The following NETO1 variants were observed in gnomAD, a reference collection of about 807,000 sequenced individuals.
The protein encoded by NETO1 is neuropilin and tolloid-like protein 1.
Under a neutral mutation model 61.3 loss-of-function variants are expected in NETO1, and 26 were observed. The ratio of observed to expected loss-of-function variants is 0.42; its 90% CI spans 0.31 to 0.59. The LOEUF (loss-of-function observed/expected upper bound fraction) is 0.59, where lower values mean the gene tolerates loss of function less well. Ranked by LOEUF, NETO1 falls within the 20% of genes least tolerant of loss-of-function variation. The pLI, the probability that NETO1 is intolerant of heterozygous loss-of-function variation, is 0.12. For synonymous variants in NETO1, 225 were observed against 225.8 expected, an observed-to-expected ratio of 1.00 and a Z score of 0.03; for missense variants, 531 against 662.8, an observed-to-expected ratio of 0.80 and a Z score of 2.18.
At chr18:72,857,816 G>T (rs1412553341) in intron 4 of NETO1, among the ~76,000 whole-genome samples, 1 of 152,092 alleles carries the variant, frequency 6.6e-6, no homozygotes. Context: ...AATGCTTAAA[G>T]CTAATATATA....
chr18:72,837,706 T>G, intron 4 of NETO1, among the ~76,000 whole-genome samples: 1 of 152,196 alleles, frequency 6.6e-6, no homozygotes, highest in East Asian at 1.9e-4. Flanking sequence ...TTATTTCCAA[T>G]TATATGCTCT....
rs546523214 is a variant in NETO1 at position 72,855,993 on chromosome 18, T to C, written c.469+2833A>G. 9.2e-5 allele frequency among the ~76,000 whole-genome samples: 14 copies of C among 152,364 alleles called. No individual in the cohort carries two copies. The South Asian group carries it at 1.0e-3, about 11-fold the overall frequency. On this transcript the variant is annotated intron_variant, in intron 4 of 10. Transcript: ENST00000327305. ...TTGCAGGAAGAAATGGACTTTGTAA[T>C]ACTCAGAATTCTTAATGAAAATGTA...
chr18:72,812,756 T>C (rs915292525), intron 4 of NETO1, among the ~76,000 whole-genome samples: 2 of 152,188 alleles, frequency 1.3e-5, no homozygotes, highest in Non-Finnish European at 2.9e-5. Flanking sequence ...GTTTCTCCTA[T>C]AAATAACTCA....
rs572688055 is a variant in NETO1 at position 72,829,575 on chromosome 18, G to A, written c.469+29251C>T. Among the ~76,000 whole-genome samples the A allele has an allele frequency of 3.3e-5, 5 of 152,166 alleles. No homozygotes were observed. In the East Asian group the frequency reaches 7.7e-4, roughly 24 times the overall value. ...TATATTTAAATGTATATCACATTAG[G>A]TTCTACAGTAGCTGTTAAAATAGTT... On this transcript the variant is annotated intron_variant, in intron 4 of 10. Coordinates refer to ENST00000327305, the MANE Select transcript of NETO1 (RefSeq NM_138966.5).
intron 4 of NETO1, among the ~76,000 whole-genome samples, chr18:72,797,840 CAGGA>C (rs2072370119): frequency 6.6e-6 from 1 of 152,260 alleles, no homozygotes; most frequent in East Asian, 1.9e-4. Context: ...TCCTCTGTAC[CAGGA>C]ACTTGTCCTT....
At chr18:72,793,234 T>C (rs2072192759) in intron 6 of NETO1, among the ~76,000 whole-genome samples, 1 of 152,080 alleles carries the variant, frequency 6.6e-6, no homozygotes, top group Non-Finnish European at 1.5e-5. Flanking sequence ...ATCTAGTAAG[T>C]CAATATTTTT....
intron 8 of NETO1, 68 bp downstream of exon 8, chr18:72,755,966 T>A: frequency 1.3e-6 from 1 of 749,992 alleles, no homozygotes; most frequent in Non-Finnish European, 2.4e-6. Flanking sequence ...GTCTGATTGA[T>A]ACATATAAAC....
At chr18:72,807,911 C>A (rs991939246) in intron 4 of NETO1, among the ~76,000 whole-genome samples, 4 of 152,148 alleles carry the variant, frequency 2.6e-5, no homozygotes, top group Non-Finnish European at 5.9e-5. Flanking sequence ...AATATCCCTG[C>A]CCCTTAATTC....
chr18:72,823,209 A>T (rs948366208), intron 4 of NETO1, among the ~76,000 whole-genome samples: 1 of 152,156 alleles, frequency 6.6e-6, no homozygotes, highest in African/African-American at 2.4e-5. Flanking sequence ...GCAATATTTA[A>T]AAAAAATTGC....
At chr18:72,808,419 T>TTTGTG (rs1555691015) in intron 4 of NETO1, among the ~76,000 whole-genome samples, 36 of 141,834 alleles carry the variant, frequency 2.5e-4, no homozygotes, top group Admixed American at 2.1e-4. Flanking sequence ...CACTGCAGAT[T>TTTGTG]TGTGTGTGTG....
chr18:72,861,740 G>GTAT (rs1301068019), intron 3 of NETO1, among the ~76,000 whole-genome samples: 1 of 152,134 alleles, frequency 6.6e-6, no homozygotes, highest in East Asian at 1.9e-4. Context: ...GACCACTTAT[G>GTAT]TATCCCTCTT....
chr18:72,829,867 A>G (rs1407423471), intron 4 of NETO1, among the ~76,000 whole-genome samples: 1 of 152,196 alleles, frequency 6.6e-6, no homozygotes, highest in Non-Finnish European at 1.5e-5. Flanking sequence ...CACACCATAT[A>G]TAAGTATGAA....
intron 8 of NETO1, among the ~76,000 whole-genome samples, chr18:72,755,335 A>G (rs1343240293): frequency 6.6e-6 from 1 of 152,206 alleles, no homozygotes; most frequent in African/African-American, 2.4e-5. Flanking sequence ...GAAGGCTTTT[A>G]GTAGATAATA....
At chr18:72,816,050 G>T (rs891197417) in intron 4 of NETO1, among the ~76,000 whole-genome samples, 8 of 151,260 alleles carry the variant, frequency 5.3e-5, no homozygotes, top group Non-Finnish European at 7.4e-5. Flanking sequence ...AATTAGGATC[G>T]ATCTCTCTCT....
rs559521864 is a variant in NETO1 at position 72,744,892 on chromosome 18, G to A, written c.*3287C>T. Reference sequence around the variant, plus strand: ...AACCCATTCATGGAATTTTTTTAAAGCTGTAAAATTTGAGGAAGACCCGAA... The same window carrying A: ...AACCCATTCATGGAATTTTTTTAAAACTGTAAAATTTGAGGAAGACCCGAA... On this transcript the variant is annotated 3_prime_UTR_variant, in exon 11 of 11. Coordinates refer to ENST00000327305, the MANE Select transcript of NETO1 (RefSeq NM_138966.5). The A allele has an allele frequency of 2.6e-5, 4 of 152,214 alleles. No homozygotes were observed. In the South Asian group the frequency reaches 8.3e-4, roughly 32 times the overall value. 9.4% of individuals were successfully genotyped at this position (152,214 alleles called of 1,614,324 possible). A position where few individuals can be genotyped will look rare whatever the true frequency, so the allele number is the denominator to read the frequency against.
At chr18:72,797,745 T>G (rs1485360499) in intron 4 of NETO1, among the ~76,000 whole-genome samples, 1 of 152,214 alleles carries the variant, frequency 6.6e-6, no homozygotes, top group Non-Finnish European at 1.5e-5. Context: ...GTTCTTGACC[T>G]TGGTCCCTGG....
chr18:72,773,593 TC>T (rs1389112655), intron 7 of NETO1, among the ~76,000 whole-genome samples: 1 of 152,094 alleles, frequency 6.6e-6, no homozygotes, highest in African/African-American at 2.4e-5. Flanking sequence ...GTTTCCCCCA[TC>T]CTGTTCTCAC....
Position 72,783,866 on chromosome 18 carries a change from T to C in NETO1, c.680A>G (p.Asn227Ser), listed in dbSNP as rs1203904959. The C allele has an allele frequency of 6.2e-7, 1 of 1,614,086 alleles. No homozygotes were observed. Among genetic ancestry groups the C allele is most frequent in the Non-Finnish European group, 8.5e-7 (1 of 1,179,916 alleles). ...AGCCACAAAATTCCTCTTGCACTCA[T>C]TTGAATTCTGCATCTCATAGTCCAA... ...RFLDYEMQNS[N>S]ECKRNFVAVY... Residue 227 changes from asparagine to serine, a missense_variant, in exon 7 of 11, where the codon AAT becomes AGT. Transcript: ENST00000327305.
At chr18:72,758,048 T>C (rs13381716) in intron 7 of NETO1, among the ~76,000 whole-genome samples, 34,431 of 125,426 alleles carry the variant, frequency 0.27, 4,303 homozygotes, top group Admixed American at 0.39. Flanking sequence ...AATTATTAAA[T>C]AGGAAGGGGT....
Sources: allele counts gnomAD v4.1 joint callset (sites outside exome capture counted in the v4.1 genomes callset), GRCh38; gene constraint gnomAD v4.1.1; transcripts MANE v1.5; gene names NCBI Gene and HGNC (gene_info 2026-07-23, HGNC 2026-07-21).